Variants in CADM1 observed in about 807,000 individuals in gnomAD.
CADM1 encodes cell adhesion molecule 1.
CADM1 carries 15 observed loss-of-function variants against 53.1 expected under a neutral mutation model. That is an observed-to-expected ratio of 0.28 (90% confidence interval 0.19 to 0.44). CADM1 has a LOEUF of 0.44. Among genes scored for constraint, CADM1 ranks in the 20% least tolerant of loss-of-function variants. The pLI is 1.00. For missense variants in CADM1, 434 were observed against 611.3 expected (o/e 0.71, Z 3.06); for synonymous variants, 281 against 243.0 (o/e 1.16, Z -1.45).
Position 115,391,063 on chromosome 11 carries a change from A to G in CADM1, c.124+113208T>C, listed in dbSNP as rs114718106. ...GCACAGAATAGTCATGCAATCGACA[A>G]TTACCCAAAGTTCCTCTCATGTTTT... On this transcript the variant is annotated intron_variant, in intron 1 of 11. Transcript: ENST00000331581. Among the ~76,000 whole-genome samples the G allele has an allele frequency of 3.8e-3, 575 of 152,348 alleles. 1 individual carries two copies. Among genetic ancestry groups the G allele is most frequent in the African/African-American group, 0.013 (550 of 41,578 alleles).
chr11:115,188,906 T>G (rs1339480569), intron 10 of CADM1, among the ~76,000 whole-genome samples: 4 of 152,204 alleles, frequency 2.6e-5, no homozygotes, highest in Non-Finnish European at 4.4e-5. Flanking sequence ...TGGTTGTTTT[T>G]TTTTTCCCTT....
At chr11:115,220,580 G>C (rs1295047250) in intron 5 of CADM1, among the ~76,000 whole-genome samples, 1 of 152,138 alleles carries the variant, frequency 6.6e-6, no homozygotes, top group Non-Finnish European at 1.5e-5. Context: ...CGTTAGTCTT[G>C]CCTGCATTAT....
intron 1 of CADM1, among the ~76,000 whole-genome samples, chr11:115,300,840 T>G (rs146385610): frequency 2.0e-3 from 297 of 152,240 alleles, no homozygotes; most frequent in Middle Eastern, 6.8e-3. Context: ...GCATGTAGGC[T>G]CTGGTCATAA....
chr11:115,329,517 G>A (rs889849963), intron 1 of CADM1, among the ~76,000 whole-genome samples: 1 of 152,130 alleles, frequency 6.6e-6, no homozygotes, highest in African/African-American at 2.4e-5. Context: ...TATGGGAGGG[G>A]GAGCACACAG....
At chr11:115,360,967 A>G (rs1565386383) in intron 1 of CADM1, among the ~76,000 whole-genome samples, 1 of 152,228 alleles carries the variant, frequency 6.6e-6, no homozygotes, top group Non-Finnish European at 1.5e-5. Flanking sequence ...CTACATAGGT[A>G]CTAGGCATTC....
chr11:115,338,435 G>C (rs1207286458), intron 1 of CADM1, among the ~76,000 whole-genome samples: 1 of 152,104 alleles, frequency 6.6e-6, no homozygotes, highest in Non-Finnish European at 1.5e-5. Flanking sequence ...AAATTTTAGA[G>C]AAACTACCAT....
intron 1 of CADM1, among the ~76,000 whole-genome samples, chr11:115,488,036 G>GAA (rs11404998): frequency 0.018 from 2,660 of 147,364 alleles, 36 homozygotes; most frequent in African/African-American, 0.04. Context: ...GCAATCCCTG[G>GAA]AAAAAAAAAA....
intron 10 of CADM1, among the ~76,000 whole-genome samples, chr11:115,185,831 T>A (rs1939517803): frequency 6.6e-6 from 1 of 152,212 alleles, no homozygotes; most frequent in South Asian, 2.1e-4. Context: ...CAAACATACA[T>A]TTCCCACTAG....
chr11:115,448,071 G>A (rs1289046045), intron 1 of CADM1, among the ~76,000 whole-genome samples: 1 of 152,006 alleles, frequency 6.6e-6, no homozygotes, highest in Non-Finnish European at 1.5e-5. Context: ...TTACTGTGTG[G>A]TTCCTCTCTC....
chr11:115,492,075 C>T (rs1949509771), intron 1 of CADM1, among the ~76,000 whole-genome samples: 1 of 151,948 alleles, frequency 6.6e-6, no homozygotes, highest in Non-Finnish European at 1.5e-5. Context: ...TGCACATGTA[C>T]CCTAGAACTT....
At position 115,169,495 on chromosome 11, in the gene CADM1, T is replaced by C. The variant is rs202218873; in HGVS notation, c.*6979A>G. 1 of 433,016 alleles carries C rather than the reference T, an allele frequency of 2.3e-6. No individual in the cohort carries two copies. Among genetic ancestry groups the C allele is most frequent in the Admixed American group, 2.6e-5 (1 of 38,932 alleles). The allele number at this position is 433,016 out of a possible 1,614,324, so 26.8% of individuals were successfully genotyped here. A position where few individuals can be genotyped will look rare whatever the true frequency, so the allele number is the denominator to read the frequency against. The stretch of plus-strand genomic sequence containing the variant: ...GGGAAGTAGGAGCAAAAAACCCAAG[T>C]AGGACATTTCAGTTGACAGTAATGG... On this transcript the variant is annotated 3_prime_UTR_variant, in exon 12 of 12. Coordinates refer to ENST00000331581, the MANE Select transcript of CADM1 (RefSeq NM_001301043.2).
At chr11:115,217,859 G>C (rs1421882473) in intron 6 of CADM1, 33 bp downstream of exon 6, 1 of 1,353,908 alleles carries the variant, frequency 7.4e-7, no homozygotes, top group East Asian at 2.3e-5. Flanking sequence ...TACTGCGCAT[G>C]ACCCTCTGCC....
At chr11:115,337,888 A>G (rs1945309245) in intron 1 of CADM1, among the ~76,000 whole-genome samples, 1 of 152,194 alleles carries the variant, frequency 6.6e-6, no homozygotes, top group Non-Finnish European at 1.5e-5. Context: ...AGGGATGACC[A>G]GAGAAAAACA....
chr11:115,425,181 C>T (rs1447089212), intron 1 of CADM1, among the ~76,000 whole-genome samples: 1 of 152,190 alleles, frequency 6.6e-6, no homozygotes, highest in Admixed American at 6.5e-5. Context: ...CTTCTTAAGT[C>T]ACCACTACAG....
At position 115,373,818 on chromosome 11, in the gene CADM1, C is replaced by T. The variant is rs187490164; in HGVS notation, c.124+130453G>A. Among the ~76,000 whole-genome samples, 11 of 152,146 alleles carry T rather than the reference C, an allele frequency of 7.2e-5. No homozygotes were observed. In the South Asian group the frequency reaches 1.2e-3, roughly 17 times the overall value. ...GCTTTACCTCCCAGAAACTACTGTG[C>T]GTATGATGTATCCCAGTTTAAGAAT... On this transcript the variant is annotated intron_variant, in intron 1 of 11. Transcript: ENST00000331581.
At chr11:115,419,693 CT>C (rs1454981114) in intron 1 of CADM1, among the ~76,000 whole-genome samples, 1 of 152,094 alleles carries the variant, frequency 6.6e-6, no homozygotes, top group Admixed American at 6.6e-5. Flanking sequence ...AAATGAGCCC[CT>C]GAGACTCAAT....
At chr11:115,266,193 T>A (rs1437889611) in intron 1 of CADM1, among the ~76,000 whole-genome samples, 1 of 152,220 alleles carries the variant, frequency 6.6e-6, no homozygotes, top group Non-Finnish European at 1.5e-5. Flanking sequence ...ACTGCACCAG[T>A]TATTCCAGGG....
At chr11:115,495,006 G>A (rs1375136701) in intron 1 of CADM1, among the ~76,000 whole-genome samples, 1 of 152,126 alleles carries the variant, frequency 6.6e-6, no homozygotes, top group Non-Finnish European at 1.5e-5. Flanking sequence ...AAAGAAGACA[G>A]AGAGCTCTTC....
intron 10 of CADM1, among the ~76,000 whole-genome samples, chr11:115,189,575 C>T (rs973297361): frequency 1.3e-5 from 2 of 152,178 alleles, no homozygotes; most frequent in Non-Finnish European, 2.9e-5. Flanking sequence ...GACTTATCCA[C>T]CCTTATTTTA....
Sources: allele counts gnomAD v4.1 joint callset (sites outside exome capture counted in the v4.1 genomes callset), GRCh38; gene constraint gnomAD v4.1.1; transcripts MANE v1.5; gene names NCBI Gene and HGNC (gene_info 2026-07-23, HGNC 2026-07-21).